The following NKTR variants were observed in gnomAD, a reference collection of about 807,000 sequenced individuals.
NKTR encodes NK-tumor recognition protein.
A neutral mutation model predicts 156.3 loss-of-function variants in NKTR; 67 were observed. That is an observed-to-expected ratio of 0.43 (90% CI 0.35 to 0.53). NKTR has a LOEUF of 0.53. NKTR is among the 20% of genes least tolerant of loss of function. The pLI, the probability that NKTR is intolerant of heterozygous loss-of-function variation, is 0.01. For missense variants in NKTR, 1,604 were observed against 1,730.9 expected, an observed-to-expected ratio of 0.93 and a Z score of 1.30; for synonymous variants, 640 against 596.6, an observed-to-expected ratio of 1.07 and a Z score of -1.06.
Position 42,648,154 on chromosome 3 carries a change from T to C in NKTR, c.*2179T>C, listed in dbSNP as rs1011893597. The stretch of plus-strand genomic sequence containing the variant: ...GCTTCATATCTCTCTCCCGTCCTCC[T>C]GTTTTAGGGGCATATGATTAGCTCA... On this transcript the variant is annotated 3_prime_UTR_variant, in exon 17 of 17. Coordinates refer to ENST00000232978, the MANE Select transcript of NKTR (RefSeq NM_005385.4). 6.6e-6 allele frequency: 1 copy of C among 152,286 alleles called. No homozygotes were observed. Among genetic ancestry groups the C allele is most frequent in the African/African-American group, 2.4e-5 (1 of 41,472 alleles). The allele number at this position is 152,286 out of a possible 1,614,324, so 9.4% of individuals were successfully genotyped here.
chr3:42,613,712 G>GA (rs1707064925), intron 2 of NKTR, among the ~76,000 whole-genome samples: 1 of 149,690 alleles, frequency 6.7e-6, no homozygotes, highest in South Asian at 2.1e-4. Flanking sequence ...GGCCAAATCA[G>GA]AATCTACACC....
intron 11 of NKTR, 91 bp downstream of exon 11, chr3:42,634,791 AC>A: frequency 1.5e-6 from 1 of 666,348 alleles, no homozygotes; most frequent in Non-Finnish European, 2.5e-6. Flanking sequence ...TAGATATAAT[AC>A]AAAATCTGTT....
intron 2 of NKTR, among the ~76,000 whole-genome samples, chr3:42,603,835 A>G (rs1705883619): frequency 6.6e-6 from 1 of 150,664 alleles, no homozygotes; most frequent in Non-Finnish European, 1.5e-5. Flanking sequence ...TCCCAGGTTC[A>G]AGCGATTCTC....
intron 10 of NKTR, among the ~76,000 whole-genome samples, chr3:42,634,126 A>G (rs931148959): frequency 6.6e-6 from 1 of 152,196 alleles, no homozygotes; most frequent in Non-Finnish European, 1.5e-5. Context: ...ATGGGTTCCA[A>G]TTTGAATAGT....
At position 42,601,883 on chromosome 3, in the gene NKTR, A is replaced by G. The variant is rs552508473; in HGVS notation, c.58+819A>G. The stretch of plus-strand genomic sequence containing the variant: ...AGGGTCTGGAGATAGAGCAGCGCAT[A>G]AAACAAAGGCCTCTTCCTTTTATAG... On this transcript the variant is annotated intron_variant, in intron 2 of 16. Coordinates refer to ENST00000232978, the MANE Select transcript of NKTR (RefSeq NM_005385.4). The G allele has an allele frequency of 6.6e-5, 10 of 152,346 alleles. No homozygotes were observed. The South Asian group carries it at 1.9e-3, about 28-fold the overall frequency. The allele number at this position is 152,346 out of a possible 1,614,324, so 9.4% of individuals were successfully genotyped here. A position where few individuals can be genotyped will look rare whatever the true frequency, so the allele number is the denominator to read the frequency against.
In NKTR at chr3:42,631,233, T is replaced by C; in HGVS notation, c.467T>C (p.Leu156Pro). The C allele has an allele frequency of 5.6e-6, 9 of 1,614,132 alleles. No homozygotes were observed. Among genetic ancestry groups the C allele is most frequent in the Non-Finnish European group, 7.6e-6 (9 of 1,180,004 alleles). The change falls in exon 8 of 17, where the codon CTG (leucine) becomes CCG (proline). Residue 156 changes from leucine to proline, a missense_variant. Physicochemically the swap from Leu to Pro is moderately conservative, Grantham distance 98 (BLOSUM62 -3). This residue lies in a region of NKTR where 61 missense variants were observed against 113.3 expected (regional missense o/e 0.54). Coordinates refer to ENST00000232978, the MANE Select transcript of NKTR (RefSeq NM_005385.4). ...GAAGTAATCGAACAAATTGAAAATC[T>C]GAAGACCGATGCTGCAAGCAGACCA... ...GFEVIEQIEN[L>P]KTDAASRPYA...
chr3:42,623,832 G>GT (rs1315298682), intron 6 of NKTR: 6 of 152,098 alleles, frequency 3.9e-5, no homozygotes, highest in African/African-American at 1.4e-4. Flanking sequence ...AAAGGATAGT[G>GT]TAAGAATGGT....
chr3:42,622,001 T>C (rs555786059), intron 6 of NKTR, among the ~76,000 whole-genome samples: 1 of 152,124 alleles, frequency 6.6e-6, no homozygotes, highest in South Asian at 2.1e-4. Context: ...TTTCTGATGT[T>C]GTATAGAGAT....
intron 2 of NKTR, among the ~76,000 whole-genome samples, chr3:42,617,322 A>G (rs1056528416): frequency 6.6e-6 from 1 of 152,240 alleles, no homozygotes; most frequent in Non-Finnish European, 1.5e-5. Flanking sequence ...CCTTTAAAAC[A>G]CACTTAAAAT....
intron 2 of NKTR, chr3:42,602,967 A>G (rs924721602): frequency 2.0e-5 from 3 of 151,034 alleles, no homozygotes; most frequent in African/African-American, 7.3e-5. Flanking sequence ...CAGAGGTTGC[A>G]GTGAGTAGAG....
intron 6 of NKTR, 21 bp from the exon 7 acceptor site, chr3:42,630,525 G>C: frequency 6.2e-7 from 1 of 1,612,950 alleles, no homozygotes; most frequent in South Asian, 1.1e-5. Context: ...CATCATCTTT[G>C]TGTTGATGTT....
chr3:42,630,793 G>A (rs1708824801), intron 7 of NKTR: 2 of 1,361,776 alleles, frequency 1.5e-6, no homozygotes, highest in African/African-American at 1.5e-5. Context: ...GGGCTTCTCA[G>A]CAATATAATT....
intron 2 of NKTR, among the ~76,000 whole-genome samples, chr3:42,615,021 G>C (rs1428121071): frequency 6.6e-6 from 1 of 151,456 alleles, no homozygotes; most frequent in Admixed American, 6.6e-5. Context: ...GAGGGCAAAA[G>C]ACTTTTTTTT....
intron 2 of NKTR, among the ~76,000 whole-genome samples, chr3:42,608,663 C>G (rs1219044165): frequency 6.6e-6 from 1 of 152,218 alleles, no homozygotes; most frequent in Non-Finnish European, 1.5e-5. Flanking sequence ...CCCCTCTTCT[C>G]TCTCTGAAGG....
At chr3:42,642,651 G>T in intron 14 of NKTR, 55 bp downstream of exon 14, 1 of 1,227,452 alleles carries the variant, frequency 8.1e-7, no homozygotes, top group Non-Finnish European at 1.2e-6. Context: ...ACTTTTTAAG[G>T]CTACATAGGC....
intron 11 of NKTR, 33 bp from the exon 12 acceptor site, chr3:42,635,188 T>C (rs1709284347): frequency 7.5e-6 from 12 of 1,591,588 alleles, no homozygotes; most frequent in Non-Finnish European, 1.0e-5. Flanking sequence ...TGGAGAGGCA[T>C]TTTTTAAAAT....
intron 2 of NKTR, among the ~76,000 whole-genome samples, chr3:42,608,378 G>T (rs996434064): frequency 2.0e-4 from 30 of 152,122 alleles, no homozygotes; most frequent in Admixed American, 2.0e-3. Context: ...TAGGAAGCCA[G>T]TTTGCTTACT....
intron 2 of NKTR, among the ~76,000 whole-genome samples, chr3:42,608,892 G>A (rs1303775418): frequency 1.3e-5 from 2 of 152,150 alleles, no homozygotes; most frequent in Non-Finnish European, 2.9e-5. Flanking sequence ...TTGGGAGGCC[G>A]AGGCAGGCAG....
rs1709556450 is a variant in NKTR at position 42,637,820 on chromosome 3, T to C, written c.2116T>C (p.Tyr706His). 3.7e-6 allele frequency: 6 copies of C among 1,613,966 alleles called. No individual in the cohort carries two copies. In the South Asian group the frequency reaches 5.5e-5, roughly 15 times the overall value. ...SSRSRSYSRS[Y>H]TRSRSLASSH... ...TAGGAGTAGATCTTATTCCAGATCA[T>C]ATACAAGATCACGTAGTCTAGCTAG... The change falls in exon 13 of 17, where the codon TAT (tyrosine) becomes CAT (histidine). Residue 706 changes from tyrosine (Y) to histidine (H), a missense_variant. This residue lies in a region of NKTR where 1,255 missense variants were observed against 1,243.7 expected (regional missense o/e 1.01). Transcript: ENST00000232978.
Sources: allele counts gnomAD v4.1 joint callset (sites outside exome capture counted in the v4.1 genomes callset), GRCh38; gene constraint gnomAD v4.1.1; regional missense constraint gnomAD v4.1.1; transcripts MANE v1.5; gene names NCBI Gene and HGNC (gene_info 2026-07-23, HGNC 2026-07-21).